Variants in GABRB1 observed in about 807,000 individuals in gnomAD.
The protein encoded by GABRB1 is gamma-aminobutyric acid receptor subunit beta-1.
In GABRB1, 17 loss-of-function variants were observed where a neutral mutation model predicts 51.6. The observed-to-expected ratio is 0.33, with a 90% CI of 0.23 to 0.49. The LOEUF is 0.49. GABRB1 is among the 20% of genes least tolerant of loss of function. The pLI, the probability that GABRB1 is intolerant of heterozygous loss-of-function variation, is 0.99. For synonymous variants in GABRB1, 247 were observed against 218.9 expected (o/e 1.13, Z -1.14); for missense variants, 410 against 600.6 (o/e 0.68, Z 3.32).
rs149570906 is a variant in GABRB1, at chr4:47,407,949, G to A, written c.1080+1023G>A. Among the ~76,000 whole-genome samples, 14 of 152,166 alleles carry A rather than the reference G, an allele frequency of 9.2e-5. No homozygotes were observed. The East Asian group carries it at 1.4e-3, about 15-fold the overall frequency. ...TCTACAAAAAATATAAAAATTAGCC[G>A]GGCATTGTGGTGTTTGCCTGTAGTC... On this transcript the variant is annotated intron_variant, in intron 8 of 8. Transcript: ENST00000295454.
At chr4:47,204,685 C>A (rs960900628) in intron 4 of GABRB1, among the ~76,000 whole-genome samples, 5 of 152,088 alleles carry the variant, frequency 3.3e-5, no homozygotes, top group African/African-American at 1.2e-4. Flanking sequence ...ATCTGATGGT[C>A]TTACAAAATG....
chr4:47,403,555 T>C lies in GABRB1; in HGVS notation c.683-4T>C, dbSNP rs1728472550. 3 of 1,613,880 alleles carry C rather than the reference T, an allele frequency of 1.9e-6. No individual in the cohort carries two copies. Among genetic ancestry groups the C allele is most frequent in the Non-Finnish European group, 1.7e-6 (2 of 1,179,870 alleles). ...GATTACTTGTCTTTTGTTTCTCAAC[T>C]CAGGAGCGTATCCACGACTGTCACT... is the stretch of plus-strand genomic sequence containing the variant. On this transcript the variant is annotated splice_region_variant and splice_polypyrimidine_tract_variant and intron_variant, in intron 6 of 8. Coordinates refer to ENST00000295454, the MANE Select transcript of GABRB1 (RefSeq NM_000812.4).
chr4:47,402,451 T>A (rs1202762156), intron 5 of GABRB1, among the ~76,000 whole-genome samples: 1 of 152,250 alleles, frequency 6.6e-6, no homozygotes, highest in African/African-American at 2.4e-5. Context: ...AAATATAGTC[T>A]TAAAATATTC....
At chr4:47,067,809 G>T (rs191935341) in intron 3 of GABRB1, among the ~76,000 whole-genome samples, 1 of 151,888 alleles carries the variant, frequency 6.6e-6, no homozygotes, top group East Asian at 1.9e-4. Context: ...GGTTTGCTGC[G>T]CAGATCAACC....
At chr4:47,067,564 CT>C (rs1432944965) in intron 3 of GABRB1, among the ~76,000 whole-genome samples, 1 of 152,022 alleles carries the variant, frequency 6.6e-6, no homozygotes, top group African/African-American at 2.4e-5. Flanking sequence ...TTACTTTGGA[CT>C]TTTATGTTAT....
chr4:47,259,348 A>T (rs1287645037), intron 4 of GABRB1, among the ~76,000 whole-genome samples: 1 of 152,188 alleles, frequency 6.6e-6, no homozygotes, highest in Non-Finnish European at 1.5e-5. Context: ...ATAAAAAATA[A>T]TAAAAATACT....
intron 3 of GABRB1, among the ~76,000 whole-genome samples, chr4:47,048,387 G>A (rs1199300393): frequency 6.6e-6 from 1 of 152,092 alleles, no homozygotes; most frequent in East Asian, 1.9e-4. Context: ...AGACACAGCA[G>A]ATGTTAAATT....
chr4:47,131,063 C>T (rs1389359660), intron 3 of GABRB1, among the ~76,000 whole-genome samples: 4 of 152,116 alleles, frequency 2.6e-5, no homozygotes, highest in Non-Finnish European at 5.9e-5. Context: ...CCTCTGTGTG[C>T]TTACATTCAC....
At chr4:47,251,689 A>G (rs1721993945) in intron 4 of GABRB1, among the ~76,000 whole-genome samples, 1 of 152,152 alleles carries the variant, frequency 6.6e-6, no homozygotes, top group African/African-American at 2.4e-5. Context: ...AGGAAGCAAC[A>G]GAAAGGCCAG....
intron 4 of GABRB1, among the ~76,000 whole-genome samples, chr4:47,207,858 G>A (rs991740396): frequency 6.6e-6 from 1 of 152,028 alleles, no homozygotes; most frequent in African/African-American, 2.4e-5. Flanking sequence ...ATCTAGAAAA[G>A]CCAGTAAGTT....
At chr4:47,000,060 G>T (rs1724131390) in intron 1 of GABRB1, among the ~76,000 whole-genome samples, 1 of 152,134 alleles carries the variant, frequency 6.6e-6, no homozygotes. Flanking sequence ...TAGTCAAATT[G>T]CAATAAAAAC....
intron 3 of GABRB1, among the ~76,000 whole-genome samples, chr4:47,057,097 T>C (rs199631501): frequency 6.6e-6 from 1 of 152,040 alleles, no homozygotes; most frequent in South Asian, 2.1e-4. Context: ...AGAGCAAGAC[T>C]CTGTCTCAAA....
chr4:47,114,163 A>C (rs1715362374), intron 3 of GABRB1, among the ~76,000 whole-genome samples: 1 of 151,034 alleles, frequency 6.6e-6, no homozygotes, highest in South Asian at 2.1e-4. Context: ...AATCCTATGT[A>C]TAGTGATGTT....
intron 3 of GABRB1, among the ~76,000 whole-genome samples, chr4:47,151,160 TAGA>T (rs1317173700): frequency 6.6e-6 from 1 of 152,006 alleles, no homozygotes; most frequent in Non-Finnish European, 1.5e-5. Flanking sequence ...ATGGGCCCAA[TAGA>T]GTCCTTACTG....
chr4:47,210,889 T>C (rs551074678), intron 4 of GABRB1, among the ~76,000 whole-genome samples: 4 of 152,306 alleles, frequency 2.6e-5, no homozygotes, highest in South Asian at 4.1e-4. Context: ...TAACTCAGCC[T>C]GTAGATCATA....
chr4:47,235,640 A>G (rs1024884764), intron 4 of GABRB1, among the ~76,000 whole-genome samples: 2 of 152,032 alleles, frequency 1.3e-5, no homozygotes, highest in African/African-American at 2.4e-5. Context: ...CTAAATTTAT[A>G]TATCAGAAAC....
At chr4:47,003,043 C>T (rs556134848) in intron 1 of GABRB1, among the ~76,000 whole-genome samples, 1 of 151,730 alleles carries the variant, frequency 6.6e-6, no homozygotes, top group South Asian at 2.1e-4. Context: ...TTATGGATAG[C>T]ATAAGACTCC....
intron 3 of GABRB1, among the ~76,000 whole-genome samples, chr4:47,107,414 C>T (rs1316408283): frequency 1.3e-5 from 2 of 151,826 alleles, no homozygotes; most frequent in African/African-American, 4.8e-5. Flanking sequence ...CCAGTTTGTC[C>T]CACTGTGATT....
chr4:47,079,507 C>T (rs150280927), intron 3 of GABRB1, among the ~76,000 whole-genome samples: 17 of 151,950 alleles, frequency 1.1e-4, no homozygotes, highest in African/African-American at 3.4e-4. Context: ...GGTATATACC[C>T]AAAGGATTAT....
Sources: allele counts gnomAD v4.1 joint callset (sites outside exome capture counted in the v4.1 genomes callset), GRCh38; gene constraint gnomAD v4.1.1; transcripts MANE v1.5; gene names NCBI Gene and HGNC (gene_info 2026-07-23, HGNC 2026-07-21).